PAK5: variants seen among roughly 807,000 people sequenced by gnomAD.
The protein encoded by PAK5 is serine/threonine-protein kinase PAK 5.
In PAK5, 16 loss-of-function variants were observed where a neutral mutation model predicts 65.9. That is an observed-to-expected ratio of 0.24 (90% CI 0.16 to 0.37). The LOEUF (loss-of-function observed/expected upper bound fraction) is 0.37. Ranked by LOEUF, PAK5 falls within the 10% of genes least tolerant of loss-of-function variation. The pLI is 1.00. For synonymous variants in PAK5, 371 were observed against 354.9 expected (o/e 1.05, Z -0.51); for missense variants, 785 against 903.9 (o/e 0.87, Z 1.69).
chr20:9,833,730 A>T (rs1242489360), intron 1 of PAK5, among the ~76,000 whole-genome samples: 1 of 152,206 alleles, frequency 6.6e-6, no homozygotes, highest in Non-Finnish European at 1.5e-5. Flanking sequence ...TATATAATTG[A>T]TCTGGGAAAA....
chr20:9,670,589 C>G (rs1424204973), intron 2 of PAK5, among the ~76,000 whole-genome samples: 1 of 152,226 alleles, frequency 6.6e-6, no homozygotes, highest in Non-Finnish European at 1.5e-5. Flanking sequence ...AGTGTCTGTT[C>G]ATATCCTCCA....
In PAK5 at chr20:9,831,379, A is replaced by G. The variant is rs561460788; in HGVS notation, c.-162+7383T>C. Among the ~76,000 whole-genome samples the G allele has an allele frequency of 2.0e-5, 3 of 152,406 alleles. No individual in the cohort carries two copies. In the South Asian group the frequency reaches 6.2e-4, roughly 32 times the overall value. On this transcript the variant is annotated intron_variant, in intron 1 of 9. Transcript: ENST00000353224. Reference sequence around the variant, plus strand: ...GAGTCACTGCTGATACACTTGGCAGAGCCCCTGACACAAGAGATAATCAAT... The same window carrying G: ...GAGTCACTGCTGATACACTTGGCAGGGCCCCTGACACAAGAGATAATCAAT...
At chr20:9,827,824 A>AATTT (rs2123783696) in intron 1 of PAK5, among the ~76,000 whole-genome samples, 1 of 152,080 alleles carries the variant, frequency 6.6e-6, no homozygotes, top group East Asian at 1.9e-4. Context: ...TTTAGGTTGC[A>AATTT]ATTTATTTAT....
chr20:9,669,198 T>C (rs1164932736), intron 2 of PAK5, among the ~76,000 whole-genome samples: 1 of 152,134 alleles, frequency 6.6e-6, no homozygotes, highest in East Asian at 1.9e-4. Context: ...AGGTAAAATG[T>C]CATTTGGTTT....
intron 2 of PAK5, among the ~76,000 whole-genome samples, chr20:9,689,085 A>T (rs1325606326): frequency 6.6e-6 from 1 of 152,062 alleles, no homozygotes; most frequent in Non-Finnish European, 1.5e-5. Flanking sequence ...TTCCCAAAGA[A>T]CCGCCAGCCC....
In PAK5 at chr20:9,608,246, G is replaced by T. The variant is rs147654840; in HGVS notation, c.205-27316C>A. ...GATACAAGTATTCATTCTATAGCAG[G>T]TAGGTAACACACTATGGTATTTGGA... On this transcript the variant is annotated intron_variant, in intron 3 of 9. Coordinates refer to ENST00000353224, the MANE Select transcript of PAK5 (RefSeq NM_177990.4). 5.5e-3 allele frequency among the ~76,000 whole-genome samples: 841 copies of T among 152,312 alleles called. 6 individuals are homozygous for T. Among genetic ancestry groups the T allele is most frequent in the African/African-American group, 0.019 (795 of 41,560 alleles).
chr20:9,752,435 G>A (rs1490299774), intron 1 of PAK5, among the ~76,000 whole-genome samples: 2 of 152,124 alleles, frequency 1.3e-5, no homozygotes, highest in Non-Finnish European at 2.9e-5. Flanking sequence ...ATGGCCAAGA[G>A]TGGAAGTAGG....
chr20:9,657,820 A>C (rs1313636581), intron 2 of PAK5, among the ~76,000 whole-genome samples: 1 of 152,218 alleles, frequency 6.6e-6, no homozygotes, highest in Non-Finnish European at 1.5e-5. Context: ...GCCTCAAGAG[A>C]GAAAATGATT....
intron 3 of PAK5, among the ~76,000 whole-genome samples, chr20:9,634,266 ACCAGGATGGC>A (rs1172606084): frequency 6.6e-6 from 1 of 152,192 alleles, no homozygotes; most frequent in East Asian, 1.9e-4. Context: ...CACTCTGGGT[ACCAGGATGGC>A]CCTGCCAAGA....
At chr20:9,627,594 G>A (rs972526864) in intron 3 of PAK5, among the ~76,000 whole-genome samples, 6 of 151,922 alleles carry the variant, frequency 3.9e-5, no homozygotes, top group Admixed American at 1.3e-4. Flanking sequence ...AGAGACCTGC[G>A]GTATTTTTCC....
intron 2 of PAK5, among the ~76,000 whole-genome samples, chr20:9,683,258 G>C (rs997426652): frequency 6.6e-6 from 1 of 152,164 alleles, no homozygotes; most frequent in Non-Finnish European, 1.5e-5. Flanking sequence ...CCCCACAGTC[G>C]GTGAATAATT....
intron 1 of PAK5, among the ~76,000 whole-genome samples, chr20:9,806,286 G>T (rs1423983379): frequency 2.0e-5 from 3 of 152,184 alleles, no homozygotes; most frequent in African/African-American, 7.2e-5. Flanking sequence ...ACTGTACCCA[G>T]CCAGTAGATA....
rs2048844844 is a variant in PAK5, at chr20:9,772,476, C to T, written c.-161-61041G>A. On this transcript the variant is annotated intron_variant, in intron 1 of 9. Transcript: ENST00000353224. Reference sequence around the variant, plus strand: ...GGGATGTATGCCATTGGTCAGAGGTCAATGACACCAGCCAGGAAGCTCATG... The same window carrying T: ...GGGATGTATGCCATTGGTCAGAGGTTAATGACACCAGCCAGGAAGCTCATG... Among the ~76,000 whole-genome samples, 4 of 149,290 alleles carry T rather than the reference C, an allele frequency of 2.7e-5. No homozygotes were observed. In the South Asian group the frequency reaches 8.6e-4, roughly 32 times the overall value.
intron 3 of PAK5, among the ~76,000 whole-genome samples, chr20:9,585,446 A>G (rs753514579): frequency 2.6e-5 from 4 of 152,258 alleles, no homozygotes; most frequent in Non-Finnish European, 4.4e-5. Flanking sequence ...AAATATTACC[A>G]GTAAGCAATG....
chr20:9,602,858 C>A (rs891449216), intron 3 of PAK5, among the ~76,000 whole-genome samples: 1 of 152,172 alleles, frequency 6.6e-6, no homozygotes, highest in African/African-American at 2.4e-5. Flanking sequence ...CAAAACTATC[C>A]ATTTATTCAA....
intron 1 of PAK5, among the ~76,000 whole-genome samples, chr20:9,784,015 G>A (rs533684374): frequency 2.0e-5 from 3 of 152,118 alleles, no homozygotes; most frequent in Non-Finnish European, 1.5e-5. Context: ...CCATGAGACT[G>A]TAATTTAAGT....
intron 1 of PAK5, among the ~76,000 whole-genome samples, chr20:9,763,006 G>T (rs1369944628): frequency 1.3e-5 from 2 of 152,156 alleles, no homozygotes; most frequent in East Asian, 3.9e-4. Context: ...AGTGAAATAA[G>T]CCAGAGACAG....
intron 1 of PAK5, among the ~76,000 whole-genome samples, chr20:9,803,267 C>T (rs1312967625): frequency 2.0e-5 from 3 of 151,996 alleles, no homozygotes; most frequent in Non-Finnish European, 2.9e-5. Context: ...TTAACAGCTG[C>T]AGTTGCCTGA....
intron 1 of PAK5, among the ~76,000 whole-genome samples, chr20:9,736,962 A>G (rs1220658234): frequency 6.6e-6 from 1 of 152,204 alleles, no homozygotes; most frequent in South Asian, 2.1e-4. Flanking sequence ...CAGATTTCTT[A>G]TTAGAAACAG....
Sources: allele counts gnomAD v4.1 joint callset (sites outside exome capture counted in the v4.1 genomes callset), GRCh38; gene constraint gnomAD v4.1.1; transcripts MANE v1.5; gene names NCBI Gene and HGNC (gene_info 2026-07-23, HGNC 2026-07-21).